IMMP2L: variants seen among roughly 807,000 people sequenced by gnomAD.
IMMP2L encodes inner mitochondrial membrane peptidase subunit 2, also known as mitochondrial inner membrane protease subunit 2.
A neutral mutation model predicts 19.3 loss-of-function variants in IMMP2L; 18 were observed. The ratio of observed to expected loss-of-function variants is 0.93; its 90% CI spans 0.64 to 1.38. The LOEUF is 1.38. IMMP2L is among the 40% of genes most tolerant of loss of function. IMMP2L has a pLI of 0.00. For missense variants in IMMP2L, 233 were observed against 218.2 expected (o/e 1.07, Z -0.43); for synonymous variants, 76 against 73.0 (o/e 1.04, Z -0.21).
intron 3 of IMMP2L, among the ~76,000 whole-genome samples, chr7:111,251,938 C>A (rs777683225): frequency 4.6e-5 from 7 of 151,884 alleles, no homozygotes; most frequent in African/African-American, 7.3e-5. Context: ...TCTATCTTCA[C>A]GAGTTTTATT....
chr7:110,843,740 T>C (rs1563018003), intron 5 of IMMP2L, among the ~76,000 whole-genome samples: 1 of 152,172 alleles, frequency 6.6e-6, no homozygotes, highest in South Asian at 2.1e-4. Context: ...AAATGTGATA[T>C]GGATAAGGGC....
intron 3 of IMMP2L, among the ~76,000 whole-genome samples, chr7:111,185,762 A>G (rs1002393907): frequency 1.3e-5 from 2 of 152,158 alleles, no homozygotes; most frequent in African/African-American, 4.8e-5. Context: ...CTTTATCTCA[A>G]TGGATATAAG....
At chr7:111,340,314 T>C (rs1170246537) in intron 3 of IMMP2L, among the ~76,000 whole-genome samples, 1 of 152,012 alleles carries the variant, frequency 6.6e-6, no homozygotes, top group Non-Finnish European at 1.5e-5. Flanking sequence ...AATACATCCA[T>C]TCAACTTTTT....
chr7:111,351,003 T>C (rs541434534), intron 3 of IMMP2L, among the ~76,000 whole-genome samples: 4 of 152,282 alleles, frequency 2.6e-5, no homozygotes, highest in Admixed American at 2.6e-4. Context: ...ACAATGCAAA[T>C]TGATGAAGAA....
chr7:111,280,710 C>G (rs77188243), intron 3 of IMMP2L, among the ~76,000 whole-genome samples: 8,472 of 152,142 alleles, frequency 0.056, 319 homozygotes, highest in Middle Eastern at 0.099. Flanking sequence ...GCGCCTCTTA[C>G]TAAAAACTTA....
At chr7:111,080,738 A>C (rs1795822156) in intron 3 of IMMP2L, among the ~76,000 whole-genome samples, 1 of 152,154 alleles carries the variant, frequency 6.6e-6, no homozygotes, top group South Asian at 2.1e-4. Context: ...AATTCAGTTC[A>C]ATCTCCTCTT....
At chr7:111,105,312 G>A (rs1298446105) in intron 3 of IMMP2L, among the ~76,000 whole-genome samples, 1 of 151,796 alleles carries the variant, frequency 6.6e-6, no homozygotes, top group Non-Finnish European at 1.5e-5. Flanking sequence ...AGTTATTTCA[G>A]TTAACATCAT....
chr7:111,412,264 A>G (rs1172611048), intron 3 of IMMP2L, among the ~76,000 whole-genome samples: 1 of 151,840 alleles, frequency 6.6e-6, no homozygotes, highest in Admixed American at 6.5e-5. Flanking sequence ...AAGAGACCAG[A>G]AACAGTAAGG....
chr7:111,542,074 C>A (rs1191675750), intron 1 of IMMP2L, among the ~76,000 whole-genome samples: 2 of 151,962 alleles, frequency 1.3e-5, no homozygotes, highest in Non-Finnish European at 2.9e-5. Flanking sequence ...TGGATATTAA[C>A]CTCAGTACAA....
intron 3 of IMMP2L, among the ~76,000 whole-genome samples, chr7:110,996,962 T>C (rs1823104373): frequency 6.6e-6 from 1 of 152,106 alleles, no homozygotes; most frequent in South Asian, 2.1e-4. Context: ...TAGATTCATG[T>C]ACCACCAATG....
intron 3 of IMMP2L, among the ~76,000 whole-genome samples, chr7:111,424,795 C>T (rs1201266499): frequency 6.6e-6 from 1 of 151,770 alleles, no homozygotes; most frequent in Non-Finnish European, 1.5e-5. Flanking sequence ...ACATTTGAAA[C>T]AATCACCATA....
chr7:111,275,410 C>T (rs1348632627), intron 3 of IMMP2L, among the ~76,000 whole-genome samples: 2 of 152,126 alleles, frequency 1.3e-5, no homozygotes, highest in African/African-American at 2.4e-5. Context: ...TTACTGTTCC[C>T]CCAACTAGCA....
intron 3 of IMMP2L, among the ~76,000 whole-genome samples, chr7:111,410,615 G>C (rs1834321336): frequency 6.6e-6 from 1 of 150,394 alleles, no homozygotes. Context: ...AATTAACAAA[G>C]ATAACAAAAT....
At chr7:111,068,764 T>C (rs1794717126) in intron 3 of IMMP2L, among the ~76,000 whole-genome samples, 1 of 152,132 alleles carries the variant, frequency 6.6e-6, no homozygotes, top group African/African-American at 2.4e-5. Flanking sequence ...ATAGCAACAT[T>C]AATAGACCCT....
chr7:111,495,093 A>G (rs1563266508), intron 2 of IMMP2L, among the ~76,000 whole-genome samples: 1 of 152,154 alleles, frequency 6.6e-6, no homozygotes, highest in Admixed American at 6.5e-5. Context: ...AAAGAATTTT[A>G]CACCCGTTAT....
intron 3 of IMMP2L, among the ~76,000 whole-genome samples, chr7:111,135,474 T>C (rs1350074538): frequency 1.3e-5 from 2 of 152,150 alleles, no homozygotes; most frequent in East Asian, 3.9e-4. Context: ...TTAGAAGTGA[T>C]GGGCCTTATC....
intron 4 of IMMP2L, among the ~76,000 whole-genome samples, chr7:110,944,318 G>C (rs1317039251): frequency 6.6e-6 from 1 of 151,994 alleles, no homozygotes; most frequent in Non-Finnish European, 1.5e-5. Flanking sequence ...TCCTGTCAGG[G>C]TAAGGATACA....
intron 3 of IMMP2L, among the ~76,000 whole-genome samples, chr7:111,308,148 A>C (rs1823087109): frequency 6.6e-6 from 1 of 151,992 alleles, no homozygotes; most frequent in Non-Finnish European, 1.5e-5. Context: ...TAGAGAAAAA[A>C]ATCCCAGGCT....
intron 3 of IMMP2L, among the ~76,000 whole-genome samples, chr7:111,242,245 T>C (rs535023887): frequency 6.6e-6 from 1 of 152,170 alleles, no homozygotes; most frequent in South Asian, 2.1e-4. Flanking sequence ...CAGTCATAAA[T>C]CAGTCCCTTT....
Sources: allele counts gnomAD v4.1 joint callset (sites outside exome capture counted in the v4.1 genomes callset), GRCh38; gene constraint gnomAD v4.1.1; transcripts MANE v1.5; gene names NCBI Gene and HGNC (gene_info 2026-07-23, HGNC 2026-07-21).